The following JAZF1 variants were observed in gnomAD, a reference collection of about 807,000 sequenced individuals.
The protein encoded by JAZF1 is juxtaposed with another zinc finger protein 1.
A neutral mutation model predicts 26.4 loss-of-function variants in JAZF1; 8 were observed. That is an observed-to-expected ratio of 0.30 (90% CI 0.18 to 0.55). The LOEUF is 0.55. Among genes scored for constraint, JAZF1 ranks in the 20% least tolerant of loss-of-function variants. The pLI is 0.94. For missense variants in JAZF1, 199 were observed against 322.0 expected (o/e 0.62, Z 2.92); for synonymous variants, 126 against 122.3 (o/e 1.03, Z -0.20).
intron 3 of JAZF1, among the ~76,000 whole-genome samples, chr7:27,884,243 C>T (rs1369527456): frequency 6.6e-6 from 1 of 152,202 alleles, no homozygotes; most frequent in Non-Finnish European, 1.5e-5. Context: ...GCCATCCTCC[C>T]TGCCTCAGCC....
At chr7:27,937,695 A>T (rs1784779873) in intron 2 of JAZF1, among the ~76,000 whole-genome samples, 1 of 152,188 alleles carries the variant, frequency 6.6e-6, no homozygotes, top group African/African-American at 2.4e-5. Context: ...AACAGAATCA[A>T]TATGCTATGA....
At chr7:28,159,198 T>C (rs913506394) in intron 1 of JAZF1, among the ~76,000 whole-genome samples, 1 of 151,948 alleles carries the variant, frequency 6.6e-6, no homozygotes, top group African/African-American at 2.4e-5. Context: ...TCCGAATAGA[T>C]GAGACTTAGA....
At chr7:28,091,777 A>C (rs1199344682) in intron 1 of JAZF1, among the ~76,000 whole-genome samples, 11 of 152,102 alleles carry the variant, frequency 7.2e-5, no homozygotes, top group Admixed American at 7.2e-4. Flanking sequence ...TTGCTGTTAG[A>C]ATAGTCGGTG....
rs1434046016 is a variant in JAZF1, at chr7:28,170,335, ATATGTGTGTGTGTGTGTGTGTGTGTGTG to A, written c.115+10100_115+10127del. Among the ~76,000 whole-genome samples the A allele has an allele frequency of 3.3e-3, 467 of 140,188 alleles. 6 individuals are homozygous for A. Among genetic ancestry groups the A allele is most frequent in the Admixed American group, 4.6e-3 (66 of 14,238 alleles). 92.0% of individuals were successfully genotyped at this position (140,188 alleles called of 152,430 possible). A position where few individuals can be genotyped will look rare whatever the true frequency, so the allele number is the denominator to read the frequency against. ...GAAATCTGAAGTAAAAGAGAAGTTG[ATATGTGTGTGTGTGTGTGTGTGTGTGTG>A]TGTGTGTGTGTGTGTGTGTGTGTGT... is the stretch of plus-strand genomic sequence containing the variant. On this transcript the variant is annotated intron_variant, in intron 1 of 4. Coordinates refer to ENST00000283928, the MANE Select transcript of JAZF1 (RefSeq NM_175061.4).
intron 1 of JAZF1, among the ~76,000 whole-genome samples, chr7:27,995,854 G>C (rs755103791): frequency 3.9e-5 from 6 of 152,170 alleles, no homozygotes; most frequent in Admixed American, 1.3e-4. Context: ...CACAGCACTA[G>C]CTCCCATTGC....
intron 1 of JAZF1, among the ~76,000 whole-genome samples, chr7:28,151,974 T>G (rs1348790066): frequency 6.6e-6 from 1 of 152,208 alleles, no homozygotes; most frequent in East Asian, 1.9e-4. Context: ...TCTTTCTACT[T>G]TAGTATATCT....
At chr7:27,869,215 C>T (rs1783537218) in intron 3 of JAZF1, among the ~76,000 whole-genome samples, 1 of 152,142 alleles carries the variant, frequency 6.6e-6, no homozygotes, top group Non-Finnish European at 1.5e-5. Flanking sequence ...AAAACAGGAA[C>T]AGTCATGGCC....
chr7:27,835,413 G>A (rs553226851), intron 4 of JAZF1, among the ~76,000 whole-genome samples: 7 of 152,300 alleles, frequency 4.6e-5, no homozygotes, highest in Non-Finnish European at 7.4e-5. Context: ...TCCGGCAGGC[G>A]CTGTGGCCCA....
chr7:27,901,986 C>A (rs2128343199), intron 2 of JAZF1, among the ~76,000 whole-genome samples: 1 of 152,256 alleles, frequency 6.6e-6, no homozygotes, highest in African/African-American at 2.4e-5. Flanking sequence ...AATAGGCCTG[C>A]AACCTGCAAT....
intron 1 of JAZF1, among the ~76,000 whole-genome samples, chr7:28,153,929 C>G (rs899389998): frequency 1.3e-5 from 2 of 152,068 alleles, no homozygotes; most frequent in African/African-American, 2.4e-5. Context: ...CCCTCTACCC[C>G]CTCCCCCTGG....
intron 1 of JAZF1, among the ~76,000 whole-genome samples, chr7:28,121,972 T>G (rs1782613347): frequency 6.6e-6 from 1 of 152,222 alleles, no homozygotes. Context: ...AATGTTCACA[T>G]AAAAAGAAAA....
At chr7:28,120,730 A>G (rs1782589362) in intron 1 of JAZF1, among the ~76,000 whole-genome samples, 1 of 151,772 alleles carries the variant, frequency 6.6e-6, no homozygotes, top group Non-Finnish European at 1.5e-5. Context: ...AGGCCTAACT[A>G]AGCTGGGAAG....
At chr7:27,992,114 T>C in intron 1 of JAZF1, 133 bp from the exon 2 acceptor site, 2 of 714,358 alleles carry the variant, frequency 2.8e-6, no homozygotes. Flanking sequence ...GAAAACTGAG[T>C]CGGCGAAGCA....
chr7:27,864,134 A>G (rs1350941450), intron 3 of JAZF1: 1 of 152,244 alleles, frequency 6.6e-6, no homozygotes, highest in East Asian at 1.9e-4. Flanking sequence ...AATGATGCAC[A>G]GAGGAGGCTG....
At chr7:28,017,066 T>C (rs769185763) in intron 1 of JAZF1, among the ~76,000 whole-genome samples, 23 of 152,166 alleles carry the variant, frequency 1.5e-4, no homozygotes, top group Admixed American at 8.5e-4. Flanking sequence ...TATGCCATTA[T>C]CTGGCCGGGC....
In JAZF1 at chr7:27,830,720, C is replaced by T. The variant is rs563040904; in HGVS notation, c.*2080G>A. 2 of 194,012 alleles carry T rather than the reference C, an allele frequency of 1.0e-5. No individual in the cohort carries two copies. The highest frequency in any genetic ancestry group is 1.2e-4 in the Admixed American group (2 of 16,380). The allele number at this position is 194,012 out of a possible 1,614,324, so 12.0% of individuals were successfully genotyped here. A position where few individuals can be genotyped will look rare whatever the true frequency, so the allele number is the denominator to read the frequency against. ...CAGACTTAATGTGCTCTGTCCCCAA[C>T]AAAACATATGAAAATATAATTTAAA... is the stretch of plus-strand genomic sequence containing the variant. On this transcript the variant is annotated 3_prime_UTR_variant, in exon 5 of 5. Transcript: ENST00000283928.
At chr7:28,156,346 G>A (rs1308153888) in intron 1 of JAZF1, among the ~76,000 whole-genome samples, 1 of 152,222 alleles carries the variant, frequency 6.6e-6, no homozygotes, top group Non-Finnish European at 1.5e-5. Context: ...TGCATGGGGA[G>A]TCACTTCGTG....
At chr7:27,996,817 T>C (rs1204052713) in intron 1 of JAZF1, among the ~76,000 whole-genome samples, 1 of 152,242 alleles carries the variant, frequency 6.6e-6, no homozygotes, top group Non-Finnish European at 1.5e-5. Flanking sequence ...CTTTCATTTC[T>C]CTGGCACTCA....
intron 1 of JAZF1, among the ~76,000 whole-genome samples, chr7:28,065,849 G>C (rs1054230329): frequency 1.3e-4 from 20 of 152,100 alleles, no homozygotes; most frequent in African/African-American, 4.6e-4. Context: ...ACAGCCCGGG[G>C]CTATTTTTCC....
Sources: allele counts gnomAD v4.1 joint callset (sites outside exome capture counted in the v4.1 genomes callset), GRCh38; gene constraint gnomAD v4.1.1; transcripts MANE v1.5; gene names NCBI Gene and HGNC (gene_info 2026-07-23, HGNC 2026-07-21).